ADGRL4: variants seen among roughly 807,000 people sequenced by gnomAD.
ADGRL4 encodes the protein adhesion G protein-coupled receptor L4.
In ADGRL4, 90 loss-of-function variants were observed where a neutral mutation model predicts 74.8. The observed-to-expected ratio is 1.20, with a 90% CI of 1.02 to 1.43. ADGRL4 has a LOEUF of 1.43. Ranked by LOEUF, ADGRL4 falls within the 40% of genes most tolerant of loss-of-function variation. ADGRL4 has a pLI of 0.00. For synonymous variants in ADGRL4, 311 were observed against 279.2 expected (o/e 1.11, Z -1.14); for missense variants, 881 against 814.3 (o/e 1.08, Z -1.00).
At chr1:78,907,389 C>CA (rs1648665276) in intron 12 of ADGRL4, among the ~76,000 whole-genome samples, 1 of 151,966 alleles carries the variant, frequency 6.6e-6, no homozygotes, top group South Asian at 2.1e-4. Context: ...ATTCATTCAA[C>CA]AGTATTACTT....
At chr1:78,902,604 G>A (rs1438182725) in intron 12 of ADGRL4, among the ~76,000 whole-genome samples, 1 of 152,136 alleles carries the variant, frequency 6.6e-6, no homozygotes, top group Non-Finnish European at 1.5e-5. Flanking sequence ...AAACAATAAA[G>A]AGAAGCTAAA....
At position 78,891,731 on chromosome 1, in the gene ADGRL4, G is replaced by A. The variant is rs771731566; in HGVS notation, c.1842-39C>T. 14 of 1,555,396 alleles carry A rather than the reference G, an allele frequency of 9.0e-6. No homozygotes were observed. In the East Asian group the frequency reaches 9.1e-5, roughly 10 times the overall value. ...GAAATGCGTCAGTGAAGAAAGCTAC[G>A]TATAGTCAACATATCTCCCAAATTA... On this transcript the variant is annotated intron_variant, in intron 13 of 14. Transcript: ENST00000370742.
chr1:78,989,388 AGGTGATT>A (rs1195764856), intron 2 of ADGRL4, among the ~76,000 whole-genome samples: 19 of 152,024 alleles, frequency 1.2e-4, no homozygotes, highest in Admixed American at 2.0e-4. Flanking sequence ...CATACTGACC[AGGTGATT>A]GGTACAAAGG....
chr1:78,998,763 T>A (rs1446132414), intron 2 of ADGRL4, among the ~76,000 whole-genome samples: 1 of 152,228 alleles, frequency 6.6e-6, no homozygotes, highest in Non-Finnish European at 1.5e-5. Context: ...TAATTCATTT[T>A]ATCTCAATGA....
At chr1:78,966,641 C>T (rs1359691106) in intron 2 of ADGRL4, among the ~76,000 whole-genome samples, 3 of 152,110 alleles carry the variant, frequency 2.0e-5, no homozygotes, top group Non-Finnish European at 2.9e-5. Flanking sequence ...AGGGGCTCCT[C>T]ACTCCCCCTC....
chr1:78,930,643 G>T (rs1445989669), intron 7 of ADGRL4, among the ~76,000 whole-genome samples: 1 of 150,650 alleles, frequency 6.6e-6, no homozygotes, highest in African/African-American at 2.5e-5. Context: ...TAGAGATGGG[G>T]TTTCACCATC....
intron 12 of ADGRL4, among the ~76,000 whole-genome samples, chr1:78,900,736 G>T (rs1162859878): frequency 2.6e-5 from 4 of 152,168 alleles, no homozygotes; most frequent in African/African-American, 9.6e-5. Context: ...ATGATTGCAA[G>T]TTTCCCAGCC....
Position 78,990,705 on chromosome 1 carries a change from T to G in ADGRL4, c.172+14365A>C, listed in dbSNP as rs188786695. Reference sequence around the variant, plus strand: ...CTCCACATGATATTCCATTGGAAACTGCTGCAGCGAACATAACATTAGTTG... The same window carrying G: ...CTCCACATGATATTCCATTGGAAACGGCTGCAGCGAACATAACATTAGTTG... On this transcript the variant is annotated intron_variant, in intron 2 of 14. Coordinates refer to ENST00000370742, the MANE Select transcript of ADGRL4 (RefSeq NM_022159.4). 5.5e-4 allele frequency among the ~76,000 whole-genome samples: 83 copies of G among 152,090 alleles called. 1 individual carries two copies. Among genetic ancestry groups the G allele is most frequent in the Admixed American group, 2.8e-3 (43 of 15,242 alleles).
chr1:78,976,280 T>C (rs539241507), intron 2 of ADGRL4, among the ~76,000 whole-genome samples: 68 of 152,122 alleles, frequency 4.5e-4, no homozygotes, highest in African/African-American at 1.6e-3. Flanking sequence ...TCTGAAAGCA[T>C]AATAGTGAGC....
intron 13 of ADGRL4, 57 bp from the exon 14 acceptor site, chr1:78,891,749 C>CTCAA (rs1648279745): frequency 6.9e-7 from 1 of 1,448,140 alleles, no homozygotes; most frequent in Non-Finnish European, 9.3e-7. Context: ...AACATATCTC[C>CTCAA]CAAATTACTC....
chr1:78,891,078 C>G lies in ADGRL4; in HGVS notation c.*76G>C. ...TTAATAATTGGATAATTTGATGAGT[C>G]ATTTTTATACATTGGTCATCCACAG... On this transcript the variant is annotated 3_prime_UTR_variant, in exon 15 of 15. Coordinates refer to ENST00000370742, the MANE Select transcript of ADGRL4 (RefSeq NM_022159.4). The G allele has an allele frequency of 1.4e-6, 2 of 1,402,308 alleles. No individual in the cohort carries two copies. The highest frequency in any genetic ancestry group is 2.0e-6 in the Non-Finnish European group (2 of 989,502). 86.9% of individuals were successfully genotyped at this position (1,402,308 alleles called of 1,614,324 possible). A position where few individuals can be genotyped will look rare whatever the true frequency, so the allele number is the denominator to read the frequency against.
At position 78,894,222 on chromosome 1, in the gene ADGRL4, C is replaced by G. The variant is rs572340713; in HGVS notation, c.1750-1033G>C. On this transcript the variant is annotated intron_variant, in intron 12 of 14. Transcript: ENST00000370742. Reference sequence around the variant, plus strand: ...TCTTCTAATGAGTTTTATGTAGCCTCTCAAAATGAAATTTAGCATATTGTA... The same window carrying G: ...TCTTCTAATGAGTTTTATGTAGCCTGTCAAAATGAAATTTAGCATATTGTA... Among the ~76,000 whole-genome samples the G allele has an allele frequency of 4.3e-4, 66 of 151,868 alleles. 1 individual carries two copies. Among genetic ancestry groups the G allele is most frequent in the African/African-American group, 1.5e-3 (64 of 41,486 alleles).
intron 2 of ADGRL4, among the ~76,000 whole-genome samples, chr1:78,960,427 C>T (rs34120466): frequency 6.6e-6 from 1 of 151,918 alleles, no homozygotes; most frequent in Non-Finnish European, 1.5e-5. Flanking sequence ...GAATCTGATT[C>T]GTGGATCTTG....
chr1:78,915,792 C>T (rs1648858018), intron 12 of ADGRL4, among the ~76,000 whole-genome samples: 1 of 151,698 alleles, frequency 6.6e-6, no homozygotes, highest in South Asian at 2.1e-4. Flanking sequence ...TGTTATATAG[C>T]TGAATAATAA....
At chr1:78,921,830 C>T (rs752588612) in intron 8 of ADGRL4, 44 bp from the exon 9 acceptor site, 2 of 1,138,660 alleles carry the variant, frequency 1.8e-6, no homozygotes, top group Non-Finnish European at 2.4e-6. Context: ...GAAAAAGTTA[C>T]ATACATAGTA....
chr1:78,953,977 G>A (rs1172559645), intron 2 of ADGRL4, among the ~76,000 whole-genome samples: 10 of 152,026 alleles, frequency 6.6e-5, no homozygotes, highest in African/African-American at 2.2e-4. Context: ...GTGAAACCTC[G>A]TCTCTACTGA....
At chr1:78,976,200 A>C (rs976599702) in intron 2 of ADGRL4, among the ~76,000 whole-genome samples, 1 of 151,964 alleles carries the variant, frequency 6.6e-6, no homozygotes. Context: ...AGATAACTGC[A>C]GAGGTCCCCT....
chr1:78,909,112 AAC>A (rs1226764463), intron 12 of ADGRL4, among the ~76,000 whole-genome samples: 1 of 151,958 alleles, frequency 6.6e-6, no homozygotes, highest in Non-Finnish European at 1.5e-5. Flanking sequence ...AGTGCCTTGA[AAC>A]ACAGAGGTGA....
intron 8 of ADGRL4, 36 bp from the exon 9 acceptor site, chr1:78,921,822 A>C (rs767777602): frequency 4.3e-5 from 53 of 1,229,708 alleles, no homozygotes; most frequent in Non-Finnish European, 5.7e-5. Context: ...AAAAAAGAGA[A>C]AAAGTTACAT....
Sources: gnomAD v4.1 joint callset for allele counts (sites outside exome capture counted in the v4.1 genomes callset) on GRCh38, gnomAD v4.1.1 for gene constraint, MANE v1.5 for transcripts, NCBI Gene and HGNC (gene_info 2026-07-23, HGNC 2026-07-21) for gene names.